Variants in YTHDC2 observed in about 807,000 individuals in gnomAD.
YTHDC2 encodes YTH N6-methyladenosine RNA binding protein C2, also known as 3'-5' RNA helicase YTHDC2.
In YTHDC2, 45 loss-of-function variants were observed where a neutral mutation model predicts 174.9. The ratio of observed to expected loss-of-function variants is 0.26; its 90% CI spans 0.20 to 0.33. The LOEUF (loss-of-function observed/expected upper bound fraction) is 0.33. Among genes scored for constraint, YTHDC2 ranks in the 10% least tolerant of loss-of-function variants. YTHDC2 has a pLI of 1.00. For synonymous variants in YTHDC2, 657 were observed against 574.5 expected, an observed-to-expected ratio of 1.14 and a Z score of -2.05; for missense variants, 1,650 against 1,723.7, an observed-to-expected ratio of 0.96 and a Z score of 0.76.
At chr5:113,589,408 A>AATATATATATATATAT (rs34243829) in intron 26 of YTHDC2, among the ~76,000 whole-genome samples, 55 of 123,232 alleles carry the variant, frequency 4.5e-4, no homozygotes, top group African/African-American at 1.8e-3. Context: ...AAAAAAAAAA[A>AATATATATATATATAT]ATATATATAT....
At chr5:113,563,293 G>C in intron 18 of YTHDC2, 80 bp from the exon 19 acceptor site, 1 of 1,228,040 alleles carries the variant, frequency 8.1e-7, no homozygotes, top group Non-Finnish European at 1.1e-6. Context: ...TTTGGGAACT[G>C]TAGTTCCCAT....
At chr5:113,529,049 G>T (rs960516086) in intron 4 of YTHDC2, among the ~76,000 whole-genome samples, 73 of 151,968 alleles carry the variant, frequency 4.8e-4, no homozygotes, top group African/African-American at 1.4e-3. Context: ...AACAGATTTG[G>T]ATATTTTTCC....
intron 23 of YTHDC2, among the ~76,000 whole-genome samples, chr5:113,576,658 A>G (rs922936326): frequency 6.6e-6 from 1 of 152,164 alleles, no homozygotes; most frequent in Non-Finnish European, 1.5e-5. Context: ...TCAAAAAGAA[A>G]TAACTCTCCA....
chr5:113,589,394 T>C (rs1184248713), intron 26 of YTHDC2, among the ~76,000 whole-genome samples: 1 of 43,426 alleles, frequency 2.3e-5, no homozygotes, highest in African/African-American at 1.1e-4. Flanking sequence ...CTTTTAAAAA[T>C]TAAAAAAAAA....
chr5:113,581,453 C>T lies in YTHDC2; in HGVS notation c.3391C>T (p.His1131Tyr). ...ATTGCTGCAGCTCAGACAGAAGTGG[C>T]ATAGCTTATTTTTACGCCGAATGAG... ...SLLLQLRQKW[H>Y]SLFLRRMRAP... The change falls in exon 25 of 30, where the codon CAT becomes TAT. Residue 1131 changes from histidine (H) to tyrosine (Y), a missense_variant. His to Tyr is a moderately conservative substitution (Grantham distance 83). Coordinates refer to ENST00000161863, the MANE Select transcript of YTHDC2 (RefSeq NM_022828.5). The T allele has an allele frequency of 6.2e-7, 1 of 1,612,134 alleles. No homozygotes were observed. The highest frequency in any genetic ancestry group is 8.5e-7 in the Non-Finnish European group (1 of 1,179,240).
chr5:113,567,956 T>A, intron 23 of YTHDC2, 107 bp downstream of exon 23: 1 of 856,586 alleles, frequency 1.2e-6, no homozygotes, highest in Non-Finnish European at 1.7e-6. Context: ...AAGATTTATA[T>A]AGTAGCAGCT....
intron 24 of YTHDC2, 103 bp from the exon 25 acceptor site, chr5:113,581,314 A>G: frequency 9.3e-7 from 1 of 1,074,722 alleles, no homozygotes. Flanking sequence ...GAAATGTGAA[A>G]TAAGTTTGTT....
At chr5:113,533,589 G>A (rs1443918583) in intron 5 of YTHDC2, among the ~76,000 whole-genome samples, 2 of 151,834 alleles carry the variant, frequency 1.3e-5, no homozygotes, top group South Asian at 4.1e-4. Context: ...CATGATCATA[G>A]TTATTTTACC....
chr5:113,556,082 A>T lies in YTHDC2; in HGVS notation c.2164A>T (p.Met722Leu). 6.2e-7 allele frequency: 1 copy of T among 1,608,880 alleles called. No homozygotes were observed. The highest frequency in any genetic ancestry group is 1.7e-4 in the Middle Eastern group (1 of 6,034). ...KSFDALNFVT[M>L]LKMVWISKAS... ...CTTTGATGCTCTGAATTTTGTTACA[A>T]TGTTAAAAATGGTATGGATTTCCAA... The change falls in exon 17 of 30, where the codon ATG (methionine) becomes TTG (leucine). Residue 722 changes from methionine (M) to leucine (L), a missense_variant. Transcript: ENST00000161863.
intron 10 of YTHDC2, among the ~76,000 whole-genome samples, chr5:113,547,742 G>A (rs1173338761): frequency 6.6e-6 from 1 of 152,100 alleles, no homozygotes; most frequent in Non-Finnish European, 1.5e-5. Context: ...TATTGATAAT[G>A]GATACCATGT....
chr5:113,591,020 AACTTATGT>A lies in YTHDC2; in HGVS notation c.3826-20_3826-13del. ...TTGAAAGGTCAGGTTACCTTTCAAGAACTTATGTTTTCTTTTATAGGGCTCAAAATCTC... is the reference window on the plus strand; with the variant it reads ...TTGAAAGGTCAGGTTACCTTTCAAGATTTCTTTTATAGGGCTCAAAATCTC... On this transcript the variant is annotated splice_polypyrimidine_tract_variant and intron_variant, in intron 26 of 29. Transcript: ENST00000161863. 6.2e-7 allele frequency: 1 copy of A among 1,607,408 alleles called. No homozygotes were observed. Among genetic ancestry groups the A allele is most frequent in the Non-Finnish European group, 8.5e-7 (1 of 1,176,634 alleles).
intron 24 of YTHDC2, chr5:113,580,007 C>T (rs1486876579): frequency 1.1e-6 from 1 of 900,286 alleles, no homozygotes; most frequent in East Asian, 1.2e-4. Context: ...AGTCTGAGAT[C>T]AAGGTGCTGA....
chr5:113,584,504 A>T (rs1421090190), intron 26 of YTHDC2, 25 bp downstream of exon 26: 1 of 1,563,336 alleles, frequency 6.4e-7, no homozygotes, highest in Non-Finnish European at 8.7e-7. Flanking sequence ...AAGAAAATGT[A>T]GTAAGGAACA....
rs542953647 is a variant in YTHDC2, at chr5:113,554,662, G to A, written c.2133+640G>A. 1.1e-4 allele frequency among the ~76,000 whole-genome samples: 16 copies of A among 151,714 alleles called. No homozygotes were observed. In the South Asian group the frequency reaches 2.7e-3, roughly 26 times the overall value. ...CCTTCATACTGCAAGGCAGATTGGAGTATTTGTAACAGAGACCCTCTCAAA... is the reference window on the plus strand; with the variant it reads ...CCTTCATACTGCAAGGCAGATTGGAATATTTGTAACAGAGACCCTCTCAAA... On this transcript the variant is annotated intron_variant, in intron 16 of 29. Coordinates refer to ENST00000161863, the MANE Select transcript of YTHDC2 (RefSeq NM_022828.5).
chr5:113,557,139 A>G (rs10478127), intron 17 of YTHDC2, among the ~76,000 whole-genome samples: 47,218 of 152,062 alleles, frequency 0.31, 9,494 homozygotes, highest in African/African-American at 0.56. Flanking sequence ...ACAATGAATG[A>G]TTGTTAACTC....
intron 27 of YTHDC2, 75 bp from the exon 28 acceptor site, chr5:113,591,921 C>T: frequency 8.7e-7 from 1 of 1,146,488 alleles, no homozygotes; most frequent in Non-Finnish European, 1.1e-6. Flanking sequence ...AAAAACTCAG[C>T]CTTCTCAGAT....
chr5:113,522,514 A>G (rs1219879732), intron 2 of YTHDC2, among the ~76,000 whole-genome samples: 1 of 152,130 alleles, frequency 6.6e-6, no homozygotes, highest in East Asian at 1.9e-4. Flanking sequence ...AAAATTGCAT[A>G]TGGGGTTTAC....
Position 113,549,032 on chromosome 5 carries a change from T to C in YTHDC2, c.1688+12T>C. 1.3e-6 allele frequency: 2 copies of C among 1,598,964 alleles called. No individual in the cohort carries two copies. On this transcript the variant is annotated intron_variant, in intron 12 of 29. Transcript: ENST00000161863. ...CTAGAATCTTACAGGTAAAACTTTG[T>C]ACTATTTTAAATTAATTCTACCGTC... is the stretch of plus-strand genomic sequence containing the variant.
chr5:113,524,744 T>G (rs868289154), intron 2 of YTHDC2, among the ~76,000 whole-genome samples: 1 of 152,168 alleles, frequency 6.6e-6, no homozygotes, highest in Admixed American at 6.5e-5. Flanking sequence ...TAAGTAAGCC[T>G]TTTTAGTGGA....
Sources: allele counts gnomAD v4.1 joint callset (sites outside exome capture counted in the v4.1 genomes callset), GRCh38; gene constraint gnomAD v4.1.1; transcripts MANE v1.5; gene names NCBI Gene and HGNC (gene_info 2026-07-23, HGNC 2026-07-21).